The following DLG2 variants were observed in gnomAD, a reference collection of about 807,000 sequenced individuals.
The protein encoded by DLG2 is discs large MAGUK scaffold protein 2.
DLG2 carries 45 observed loss-of-function variants against 132.5 expected under a neutral mutation model. The observed-to-expected ratio is 0.34, with a 90% CI of 0.27 to 0.44. The LOEUF is 0.44. Among genes scored for constraint, DLG2 ranks in the 20% least tolerant of loss-of-function variants. DLG2 has a pLI of 1.00. For missense variants in DLG2, 1,045 were observed against 1,196.9 expected, an observed-to-expected ratio of 0.87 and a Z score of 1.87; for synonymous variants, 424 against 419.6, an observed-to-expected ratio of 1.01 and a Z score of -0.13.
chr11:84,281,612 C>A, intron 7 of DLG2, among the ~76,000 whole-genome samples: 1 of 139,932 alleles, frequency 7.1e-6, no homozygotes. Flanking sequence ...CCACAACAGT[C>A]CCCAGAGTGT....
intron 7 of DLG2, among the ~76,000 whole-genome samples, chr11:84,374,682 C>A (rs768750549): frequency 9.9e-5 from 15 of 152,214 alleles, no homozygotes; most frequent in Non-Finnish European, 1.9e-4. Flanking sequence ...TCTGGCAACA[C>A]CTTCCAAACT....
At chr11:83,523,326 T>C (rs977100905) in intron 21 of DLG2, among the ~76,000 whole-genome samples, 3 of 152,016 alleles carry the variant, frequency 2.0e-5, no homozygotes, top group African/African-American at 7.3e-5. Flanking sequence ...ATACTTGTTA[T>C]TTATATTACA....
intron 8 of DLG2, among the ~76,000 whole-genome samples, chr11:84,169,656 C>T (rs920546974): frequency 2.0e-5 from 3 of 151,504 alleles, no homozygotes; most frequent in Admixed American, 6.6e-5. Flanking sequence ...GTGGATCACT[C>T]GAAGTCAGGA....
intron 2 of DLG2, among the ~76,000 whole-genome samples, chr11:85,619,859 ATATTACTGG>A (rs2081582907): frequency 6.6e-6 from 1 of 152,136 alleles, no homozygotes; most frequent in Non-Finnish European, 1.5e-5. Context: ...AGCTCTCCAT[ATATTACTGG>A]TATGGCAAAC....
At chr11:84,985,365 C>A (rs992478694) in intron 6 of DLG2, among the ~76,000 whole-genome samples, 6 of 152,098 alleles carry the variant, frequency 3.9e-5, no homozygotes, top group African/African-American at 1.4e-4. Context: ...AAATAACCTG[C>A]TCCCAAATGA....
intron 21 of DLG2, among the ~76,000 whole-genome samples, chr11:83,504,973 C>A (rs1415805068): frequency 7.4e-6 from 1 of 134,880 alleles, no homozygotes; most frequent in Admixed American, 7.2e-5. Context: ...ATTCCATGAG[C>A]AGCCACACTT....
In DLG2 at chr11:83,833,691, T is replaced by C; in HGVS notation, c.1645A>G (p.Ile549Val). 4 of 1,614,060 alleles carry C rather than the reference T, an allele frequency of 2.5e-6. No individual in the cohort carries two copies. Among genetic ancestry groups the C allele is most frequent in the Non-Finnish European group, 3.4e-6 (4 of 1,179,982 alleles). Residue 549 changes from isoleucine to valine, a missense_variant, in exon 17 of 28, where the codon ATT becomes GTT. Ile to Val is a conservative substitution (Grantham distance 29). Transcript: ENST00000376104. The part of the protein sequence containing the change: ...NIVGGEDGEG[I>V]FVSFILAGGP... ...CCAGCCAGAATGAAGGACACAAAAATACCTTCTCCATCTTCCCCACCGACA... is the reference window on the plus strand; with the variant it reads ...CCAGCCAGAATGAAGGACACAAAAACACCTTCTCCATCTTCCCCACCGACA...
intron 18 of DLG2, among the ~76,000 whole-genome samples, chr11:83,782,413 C>T (rs2094866899): frequency 1.3e-5 from 2 of 152,156 alleles, no homozygotes; most frequent in African/African-American, 4.8e-5. Context: ...GCTCCTAGTG[C>T]TGTCTAGGAG....
chr11:85,009,070 A>G (rs2058935060), intron 6 of DLG2, among the ~76,000 whole-genome samples: 1 of 152,028 alleles, frequency 6.6e-6, no homozygotes, highest in Non-Finnish European at 1.5e-5. Context: ...GAAATATAGA[A>G]ATTAATAAGA....
chr11:83,604,837 C>A (rs1284585057), intron 19 of DLG2, among the ~76,000 whole-genome samples: 2 of 152,106 alleles, frequency 1.3e-5, no homozygotes, highest in Admixed American at 1.3e-4. Context: ...AAGACAAAAA[C>A]TAATTTAAAA....
At chr11:85,026,565 C>T (rs76500442) in intron 6 of DLG2, among the ~76,000 whole-genome samples, 2,065 of 152,130 alleles carry the variant, frequency 0.014, 45 homozygotes, top group African/African-American at 0.046. Context: ...CGGCCGGGCG[C>T]GGTAGCTCAC....
chr11:83,545,094 T>C (rs949792983), intron 19 of DLG2, among the ~76,000 whole-genome samples: 3 of 152,040 alleles, frequency 2.0e-5, no homozygotes, highest in African/African-American at 7.2e-5. Flanking sequence ...GGAGTTGAGG[T>C]AGAGAAACCA....
At chr11:83,649,834 T>C (rs1187532751) in intron 18 of DLG2, among the ~76,000 whole-genome samples, 1 of 152,204 alleles carries the variant, frequency 6.6e-6, no homozygotes, top group African/African-American at 2.4e-5. Context: ...ATGTCTGTTT[T>C]TCCTCCATGA....
chr11:83,580,509 G>T (rs1163278981), intron 19 of DLG2, among the ~76,000 whole-genome samples: 1 of 152,060 alleles, frequency 6.6e-6, no homozygotes, highest in South Asian at 2.1e-4. Flanking sequence ...TCCTACCAAG[G>T]AAAGATATAC....
chr11:84,908,640 G>A (rs2091780173), intron 6 of DLG2, among the ~76,000 whole-genome samples: 1 of 151,864 alleles, frequency 6.6e-6, no homozygotes, highest in African/African-American at 2.4e-5. Context: ...GAAAGACTGG[G>A]AATTAGTTTT....
chr11:85,568,538 A>G (rs2077661901), intron 3 of DLG2, among the ~76,000 whole-genome samples: 1 of 152,188 alleles, frequency 6.6e-6, no homozygotes. Context: ...CATTGAAGCC[A>G]TCTGGTGCTG....
Position 85,483,987 on chromosome 11 carries a change from C to T in DLG2, c.40+114670G>A, listed in dbSNP as rs1008059583. On this transcript the variant is annotated intron_variant, in intron 3 of 27. Coordinates refer to ENST00000376104, the MANE Select transcript of DLG2 (RefSeq NM_001142699.3). ...AAATTGGCCCGGGTCTTCCAGGAGT[C>T]GGGTTGCTTGGGAATGCAGCCCAAA... 2.7e-5 allele frequency among the ~76,000 whole-genome samples: 4 copies of T among 146,926 alleles called. No homozygotes were observed. In the Admixed American group the frequency reaches 2.7e-4, roughly 10 times the overall value.
At chr11:83,678,170 C>T (rs1396650284) in intron 18 of DLG2, among the ~76,000 whole-genome samples, 1 of 152,182 alleles carries the variant, frequency 6.6e-6, no homozygotes, top group Non-Finnish European at 1.5e-5. Context: ...AAGCCAATGT[C>T]TTCCCTTGAA....
chr11:83,858,319 C>A (rs1467291617), intron 16 of DLG2, among the ~76,000 whole-genome samples: 1 of 152,126 alleles, frequency 6.6e-6, no homozygotes, highest in Non-Finnish European at 1.5e-5. Context: ...GCATTTCATA[C>A]CTCTTCCCAT....
Sources: gnomAD v4.1 joint callset for allele counts (sites outside exome capture counted in the v4.1 genomes callset) on GRCh38, gnomAD v4.1.1 for gene constraint, MANE v1.5 for transcripts, NCBI Gene and HGNC (gene_info 2026-07-23, HGNC 2026-07-21) for gene names.